L3MBTL3: variants seen among roughly 807,000 people sequenced by gnomAD.
L3MBTL3 encodes L3MBTL histone methyl-lysine binding protein 3.
In L3MBTL3, 27 loss-of-function variants were observed where a neutral mutation model predicts 102.3. The observed-to-expected ratio is 0.26, with a 90% confidence interval of 0.19 to 0.36. The LOEUF is 0.36. L3MBTL3 is among the 10% of genes least tolerant of loss of function. The pLI, the probability that L3MBTL3 is intolerant of heterozygous loss-of-function variation, is 1.00. For missense variants in L3MBTL3, 798 were observed against 955.3 expected, an observed-to-expected ratio of 0.84 and a Z score of 2.17; for synonymous variants, 340 against 320.9, an observed-to-expected ratio of 1.06 and a Z score of -0.64.
chr6:130,097,536 T>C (rs1378560564), intron 18 of L3MBTL3, among the ~76,000 whole-genome samples: 1 of 152,140 alleles, frequency 6.6e-6, no homozygotes, highest in African/African-American at 2.4e-5. Flanking sequence ...CAATGAAGCT[T>C]GATAATTTAA....
chr6:130,086,082 A>G (rs1783666135), intron 15 of L3MBTL3, 58 bp from the exon 16 acceptor site: 18 of 1,150,586 alleles, frequency 1.6e-5, no homozygotes, highest in East Asian at 2.4e-5. Context: ...TCTTTGTAAC[A>G]TCAAGTTTAC....
chr6:130,123,692 A>C (rs563534986), intron 20 of L3MBTL3, among the ~76,000 whole-genome samples: 2 of 152,294 alleles, frequency 1.3e-5, no homozygotes, highest in South Asian at 4.1e-4. Flanking sequence ...TTATCTTTTC[A>C]AAATGGTTTT....
intron 22 of L3MBTL3, 47 bp from the exon 23 acceptor site, chr6:130,139,563 C>T: frequency 6.4e-7 from 1 of 1,563,746 alleles, no homozygotes; most frequent in Non-Finnish European, 8.8e-7. Flanking sequence ...TTCTACAACA[C>T]TGCATCTTGT....
rs562428209 is a variant in L3MBTL3 at position 130,094,156 on chromosome 6, T to C, written c.1634-109T>C. 6.0e-6 allele frequency: 4 copies of C among 671,720 alleles called. No individual in the cohort carries two copies. The South Asian group carries it at 8.0e-5, about 13-fold the overall frequency. The allele number at this position is 671,720 out of a possible 1,614,324, so 41.6% of individuals were successfully genotyped here. On this transcript the variant is annotated intron_variant, in intron 17 of 22. Coordinates refer to ENST00000361794, the MANE Select transcript of L3MBTL3 (RefSeq NM_032438.4). The stretch of plus-strand genomic sequence containing the variant: ...TGTTTATGTATGTTGGTTAAAAAAT[T>C]GGATTTTTAGGGAGTCTTTTTCTTC...
intron 16 of L3MBTL3, among the ~76,000 whole-genome samples, chr6:130,092,513 A>G (rs752716807): frequency 1.3e-4 from 20 of 152,180 alleles, no homozygotes; most frequent in Non-Finnish European, 2.4e-4. Context: ...CTGTTGGCCA[A>G]AAAGTGCTTT....
chr6:130,099,302 G>A (rs1026147319), intron 18 of L3MBTL3, among the ~76,000 whole-genome samples: 1 of 152,078 alleles, frequency 6.6e-6, no homozygotes, highest in Admixed American at 6.6e-5. Context: ...ATATACATGT[G>A]CACGTGTCTA....
chr6:130,068,049 A>G (rs967534278), intron 11 of L3MBTL3, among the ~76,000 whole-genome samples: 2 of 152,210 alleles, frequency 1.3e-5, no homozygotes, highest in Non-Finnish European at 2.9e-5. Context: ...ATACTGGTAC[A>G]AATACCCTGA....
chr6:130,024,335 T>G (rs1779197361), intron 2 of L3MBTL3, among the ~76,000 whole-genome samples: 1 of 152,160 alleles, frequency 6.6e-6, no homozygotes, highest in Non-Finnish European at 1.5e-5. Flanking sequence ...GTACTATCTA[T>G]TATTATTTTT....
rs1246872784 is a variant in L3MBTL3, at chr6:130,019,868, G to GCGCGGGC, written c.-95+1214_-95+1220dup. On this transcript the variant is annotated intron_variant, in intron 1 of 22. Coordinates refer to ENST00000361794, the MANE Select transcript of L3MBTL3 (RefSeq NM_032438.4). Reference sequence around the variant, plus strand: ...GCGGCGGCCGTCCGCGCGGGAGAGGGCGCGGGCCGCGGGCCGGGCCGGGAG... The same window carrying GCGCGGGC: ...GCGGCGGCCGTCCGCGCGGGAGAGGGCGCGGGCCGCGGGCCGCGGGCCGGGCCGGGAG... 2.4e-4 allele frequency among the ~76,000 whole-genome samples: 34 copies of GCGCGGGC among 139,070 alleles called. No individual in the cohort carries two copies. The South Asian group carries it at 6.4e-3, about 26-fold the overall frequency. 91.2% of individuals were successfully genotyped at this position (139,070 alleles called of 152,430 possible).
chr6:130,133,722 G>A lies in L3MBTL3; in HGVS notation c.2136+101G>A. On this transcript the variant is annotated intron_variant, in intron 21 of 22. Transcript: ENST00000361794. The surrounding 1 kb of genome is among the most constrained non-coding windows in gnomAD (Gnocchi z 4.9). ...GGTAGCGTTTAGTCTTTTTTTTTCT[G>A]AAAGAGAAGAAATTATTGTGAGAGA... The A allele has an allele frequency of 6.8e-7, 1 of 1,477,832 alleles. No homozygotes were observed. The highest frequency in any genetic ancestry group is 2.3e-5 in the East Asian group (1 of 43,666). 91.5% of individuals were successfully genotyped at this position (1,477,832 alleles called of 1,614,324 possible).
Position 130,071,695 on chromosome 6 carries a change from G to C in L3MBTL3, c.1244+568G>C, listed in dbSNP as rs947678859. ...TTTCTAAAGTGTTTAGTTCCTTCTA[G>C]AGTACACTTGAATTGAGAATATTTT... On this transcript the variant is annotated intron_variant, in intron 13 of 22. Transcript: ENST00000361794. Among the ~76,000 whole-genome samples the C allele has an allele frequency of 2.6e-5, 4 of 152,030 alleles. No individual in the cohort carries two copies. In the East Asian group the frequency reaches 5.8e-4, roughly 22 times the overall value.
chr6:130,076,914 A>T (rs1330403656), intron 13 of L3MBTL3, among the ~76,000 whole-genome samples: 1 of 152,156 alleles, frequency 6.6e-6, no homozygotes, highest in Non-Finnish European at 1.5e-5. Context: ...GATATTATTT[A>T]AACTTTATAT....
chr6:130,044,181 T>G (rs767279602), intron 3 of L3MBTL3, among the ~76,000 whole-genome samples: 4 of 152,228 alleles, frequency 2.6e-5, no homozygotes, highest in Non-Finnish European at 5.9e-5. Flanking sequence ...GTCAAATTAT[T>G]TCAATTGCCT....
At chr6:130,134,305 A>G (rs556129253) in intron 22 of L3MBTL3, among the ~76,000 whole-genome samples, 27 of 152,212 alleles carry the variant, frequency 1.8e-4, no homozygotes, top group Non-Finnish European at 3.7e-4. Flanking sequence ...TAACAACACC[A>G]TGATTGACTC....
intron 12 of L3MBTL3, among the ~76,000 whole-genome samples, chr6:130,070,483 A>G (rs991434763): frequency 6.6e-6 from 1 of 152,228 alleles, no homozygotes; most frequent in African/African-American, 2.4e-5. Flanking sequence ...AAGATGACCT[A>G]CTTTCGAGAG....
At chr6:130,112,283 C>G (rs1011686762) in intron 19 of L3MBTL3, among the ~76,000 whole-genome samples, 2 of 152,202 alleles carry the variant, frequency 1.3e-5, no homozygotes, top group African/African-American at 4.8e-5. Context: ...AGCACACTCC[C>G]TTGCGTGCAG....
intron 18 of L3MBTL3, among the ~76,000 whole-genome samples, chr6:130,101,618 A>C (rs1297721985): frequency 6.6e-6 from 1 of 152,212 alleles, no homozygotes; most frequent in African/African-American, 2.4e-5. Flanking sequence ...AGGGCCTGGA[A>C]AGGGCAGGGG....
intron 13 of L3MBTL3, among the ~76,000 whole-genome samples, chr6:130,073,233 C>A (rs1191320744): frequency 6.6e-6 from 1 of 152,060 alleles, no homozygotes; most frequent in Admixed American, 6.6e-5. Context: ...ATAGCAAGAC[C>A]CCTGACTCTA....
chr6:130,115,311 G>C (rs1378691152), intron 19 of L3MBTL3, among the ~76,000 whole-genome samples: 1 of 152,174 alleles, frequency 6.6e-6, no homozygotes, highest in East Asian at 1.9e-4. Context: ...TGCTGGGCCA[G>C]CAATAACTGT....
Sources: allele counts gnomAD v4.1 joint callset (sites outside exome capture counted in the v4.1 genomes callset), GRCh38; gene constraint gnomAD v4.1.1; non-coding constraint Gnocchi (gnomAD v3.1); transcripts MANE v1.5; gene names NCBI Gene and HGNC (gene_info 2026-07-23, HGNC 2026-07-21).